FSTL5: variants seen among roughly 807,000 people sequenced by gnomAD.
FSTL5 encodes follistatin-related protein 5.
In FSTL5, 62 loss-of-function variants were observed where a neutral mutation model predicts 89.1. The observed-to-expected ratio is 0.70, with a 90% CI of 0.57 to 0.86. The LOEUF is 0.86. Ranked by LOEUF, FSTL5 falls within the 40% of genes least tolerant of loss-of-function variation. FSTL5 has a pLI of 0.00. For synonymous variants in FSTL5, 383 were observed against 346.2 expected (o/e 1.11, Z -1.18); for missense variants, 1,057 against 1,001.6 (o/e 1.06, Z -0.75).
intron 6 of FSTL5, among the ~76,000 whole-genome samples, chr4:161,742,851 A>G (rs1405784438): frequency 1.3e-5 from 2 of 152,218 alleles, no homozygotes; most frequent in African/African-American, 4.8e-5. Context: ...TCTTTGGCAG[A>G]TGACCAAAAA....
intron 1 of FSTL5, among the ~76,000 whole-genome samples, chr4:162,146,675 CTT>C: frequency 8.3e-5 from 1 of 12,114 alleles, no homozygotes; most frequent in Non-Finnish European, 2.9e-4. Context: ...CTTCCCTTCC[CTT>C]CCCTTCCCTT....
chr4:161,775,742 A>C, intron 5 of FSTL5, 136 bp downstream of exon 5: 1 of 457,660 alleles, frequency 2.2e-6, no homozygotes, highest in South Asian at 6.5e-5. Context: ...TTTGCTACAA[A>C]AATGTTGTTA....
At chr4:162,018,163 T>A (rs1289113763) in intron 3 of FSTL5, among the ~76,000 whole-genome samples, 2 of 152,026 alleles carry the variant, frequency 1.3e-5, no homozygotes, top group Non-Finnish European at 2.9e-5. Flanking sequence ...TTGTTTTTAA[T>A]TTTCCTAGGG....
chr4:161,426,692 A>G (rs1022663308), intron 15 of FSTL5, among the ~76,000 whole-genome samples: 5 of 152,170 alleles, frequency 3.3e-5, no homozygotes, highest in African/African-American at 7.2e-5. Context: ...CTCGGGTTCA[A>G]GTGATTCTCC....
At chr4:161,616,240 C>G (rs1734863544) in intron 7 of FSTL5, among the ~76,000 whole-genome samples, 1 of 152,120 alleles carries the variant, frequency 6.6e-6, no homozygotes, top group African/African-American at 2.4e-5. Context: ...GCCCTCGCCA[C>G]CATGCCCGCT....
intron 3 of FSTL5, among the ~76,000 whole-genome samples, chr4:161,964,443 G>C: frequency 6.6e-6 from 1 of 152,138 alleles, no homozygotes; most frequent in East Asian, 1.9e-4. Flanking sequence ...ATCACATAGT[G>C]CAATGAGGCT....
At chr4:161,818,151 T>C (rs774018404) in intron 4 of FSTL5, among the ~76,000 whole-genome samples, 13 of 152,006 alleles carry the variant, frequency 8.6e-5, no homozygotes, top group Admixed American at 2.6e-4. Context: ...TCAAGAAGAA[T>C]GCAACGACAG....
intron 13 of FSTL5, among the ~76,000 whole-genome samples, chr4:161,472,694 A>G (rs560091990): frequency 1.3e-5 from 2 of 151,310 alleles, no homozygotes; most frequent in East Asian, 3.9e-4. Context: ...CTTCCACACC[A>G]TTATGCTGAG....
intron 13 of FSTL5, among the ~76,000 whole-genome samples, chr4:161,478,752 C>T (rs1729392389): frequency 6.6e-6 from 1 of 151,768 alleles, no homozygotes; most frequent in Admixed American, 6.6e-5. Flanking sequence ...GGTATGCCCA[C>T]AAATGACCAT....
At chr4:161,627,610 A>C (rs1578978448) in intron 7 of FSTL5, among the ~76,000 whole-genome samples, 1 of 152,272 alleles carries the variant, frequency 6.6e-6, no homozygotes, top group Middle Eastern at 3.4e-3. Flanking sequence ...AAAGTATAGA[A>C]GCTCAAAAAT....
chr4:161,471,805 T>C lies in FSTL5; in HGVS notation c.1608+9215A>G, dbSNP rs1315264009. 2.0e-5 allele frequency among the ~76,000 whole-genome samples: 3 copies of C among 152,314 alleles called. No homozygotes were observed. In the East Asian group the frequency reaches 5.8e-4, roughly 29 times the overall value. On this transcript the variant is annotated intron_variant, in intron 13 of 15. Transcript: ENST00000306100. Reference sequence around the variant, plus strand: ...TGTGTTTCCATAAATTTGTCCATTTTATGTAGGTTATCCAATTTGACAACA... The same window carrying C: ...TGTGTTTCCATAAATTTGTCCATTTCATGTAGGTTATCCAATTTGACAACA...
intron 2 of FSTL5, among the ~76,000 whole-genome samples, chr4:162,107,024 G>A (rs1214679407): frequency 6.6e-6 from 1 of 152,110 alleles, no homozygotes; most frequent in Non-Finnish European, 1.5e-5. Context: ...TGGCACTTCT[G>A]CCCCCAACTC....
chr4:161,684,868 T>C (rs1337557361), intron 6 of FSTL5, among the ~76,000 whole-genome samples: 2 of 152,212 alleles, frequency 1.3e-5, no homozygotes, highest in East Asian at 3.8e-4. Flanking sequence ...TGTTATCTTG[T>C]AGAATTTTTA....
Position 161,709,931 on chromosome 4 carries a change from C to G in FSTL5, c.727+49480G>C, listed in dbSNP as rs138684099. On this transcript the variant is annotated intron_variant, in intron 6 of 15. Transcript: ENST00000306100. ...TTTTGGTGGCAGTAATAGCAAAGAC[C>G]ATTTTAGTATTCCATGTTTGAAAAA... Among the ~76,000 whole-genome samples, 3 of 151,880 alleles carry G rather than the reference C, an allele frequency of 2.0e-5. No homozygotes were observed. The East Asian group carries it at 5.8e-4, about 29-fold the overall frequency.
chr4:161,500,687 G>T (rs1449225169), intron 11 of FSTL5, among the ~76,000 whole-genome samples: 1 of 152,046 alleles, frequency 6.6e-6, no homozygotes, highest in Admixed American at 6.6e-5. Flanking sequence ...TTTTAATATT[G>T]GCAATTTGGG....
At chr4:161,693,263 C>A (rs971474424) in intron 6 of FSTL5, among the ~76,000 whole-genome samples, 5 of 152,102 alleles carry the variant, frequency 3.3e-5, no homozygotes, top group African/African-American at 1.2e-4. Flanking sequence ...TTGTAGTTGT[C>A]TGTTCTTTTG....
chr4:161,806,691 G>GA (rs1203816306), intron 4 of FSTL5, among the ~76,000 whole-genome samples: 2 of 151,790 alleles, frequency 1.3e-5, no homozygotes, highest in Admixed American at 1.3e-4. Flanking sequence ...ACATAGAAGA[G>GA]AAAAAAGAAA....
chr4:161,957,354 TCA>T (rs1277783453), intron 3 of FSTL5, among the ~76,000 whole-genome samples: 1 of 152,096 alleles, frequency 6.6e-6, no homozygotes, highest in Non-Finnish European at 1.5e-5. Flanking sequence ...ATTTTATAAA[TCA>T]CAGTTATAAT....
intron 3 of FSTL5, among the ~76,000 whole-genome samples, chr4:161,988,173 G>C (rs1413770240): frequency 6.6e-6 from 1 of 151,536 alleles, no homozygotes. Flanking sequence ...ATGGGATTTA[G>C]AAGAAGTGCA....
Sources: gnomAD v4.1 joint callset for allele counts (sites outside exome capture counted in the v4.1 genomes callset) on GRCh38, gnomAD v4.1.1 for gene constraint, MANE v1.5 for transcripts, NCBI Gene and HGNC (gene_info 2026-07-23, HGNC 2026-07-21) for gene names.